Variants in REV3L observed in about 807,000 individuals in gnomAD.
REV3L encodes the protein DNA polymerase zeta catalytic subunit.
A neutral mutation model predicts 299.4 loss-of-function variants in REV3L; 69 were observed. The ratio of observed to expected loss-of-function variants is 0.23; its 90% CI spans 0.19 to 0.28. The LOEUF (loss-of-function observed/expected upper bound fraction) is 0.28, where lower values mean the gene tolerates loss of function less well. Among genes scored for constraint, REV3L ranks in the 10% least tolerant of loss-of-function variants. REV3L has a pLI of 1.00. For synonymous variants in REV3L, 1,238 were observed against 1,271.4 expected, an observed-to-expected ratio of 0.97 and a Z score of 0.56; for missense variants, 3,128 against 3,693.8, an observed-to-expected ratio of 0.85 and a Z score of 3.97.
intron 1 of REV3L, among the ~76,000 whole-genome samples, chr6:111,474,791 C>T (rs1053940964): frequency 1.3e-5 from 2 of 152,140 alleles, no homozygotes; most frequent in African/African-American, 4.8e-5. Flanking sequence ...GTAAGCAAAA[C>T]ATAACTTAAA....
At chr6:111,482,251 G>A (rs1206499792) in intron 1 of REV3L, among the ~76,000 whole-genome samples, 2 of 152,208 alleles carry the variant, frequency 1.3e-5, no homozygotes, top group African/African-American at 2.4e-5. Context: ...TGGCAGAGGA[G>A]AGCGAGGGTG....
rs950953713 is a variant in REV3L at position 111,482,965 on chromosome 6, AGCG to A, written c.-80_-78del. ...CAGCAGCGGCGGCGGCTCCCTCCGC[AGCG>A]GCGGCGGCGCCCCCTCCCCTTCTCG... is the stretch of plus-strand genomic sequence containing the variant. On this transcript the variant is annotated 5_prime_UTR_variant, in exon 1 of 32. Transcript: ENST00000368802. The A allele has an allele frequency of 6.4e-5, 91 of 1,418,952 alleles. No individual in the cohort carries two copies. Among genetic ancestry groups the A allele is most frequent in the Non-Finnish European group, 7.8e-5 (85 of 1,089,578 alleles). The allele number at this position is 1,418,952 out of a possible 1,614,324, so 87.9% of individuals were successfully genotyped here.
chr6:111,474,986 TATAC>T (rs1463301369), intron 1 of REV3L, among the ~76,000 whole-genome samples: 142 of 18,116 alleles, frequency 7.8e-3, no homozygotes, highest in African/African-American at 0.019. Flanking sequence ...GCTGCCTATA[TATAC>T]ACACACACAC....
In REV3L at chr6:111,453,834, A is replaced by AAG. The variant is rs773025834; in HGVS notation, c.139+28915_139+28916insCT. 2.0e-5 allele frequency among the ~76,000 whole-genome samples: 3 copies of AAG among 152,054 alleles called. No homozygotes were observed. The South Asian group carries it at 6.3e-4, about 32-fold the overall frequency. On this transcript the variant is annotated intron_variant, in intron 1 of 31. Coordinates refer to ENST00000368802, the MANE Select transcript of REV3L (RefSeq NM_001372078.1). Reference sequence around the variant, plus strand: ...CCCCATCTCTACTAAAAATACAAAAAAATTAGCTGGGCGTGGTGGCGCATG... The same window carrying AAG: ...CCCCATCTCTACTAAAAATACAAAAAAGAATTAGCTGGGCGTGGTGGCGCATG...
chr6:111,396,097 G>A (rs1782471462), intron 4 of REV3L, among the ~76,000 whole-genome samples: 2 of 152,186 alleles, frequency 1.3e-5, no homozygotes, highest in South Asian at 4.2e-4. Flanking sequence ...CATGATCTTG[G>A]CTTACTGTAA....
At chr6:111,416,879 G>C (rs1562278183) in intron 1 of REV3L, among the ~76,000 whole-genome samples, 1 of 152,110 alleles carries the variant, frequency 6.6e-6, no homozygotes. Context: ...TGGCATTAAT[G>C]TTTTCAAACA....
At chr6:111,477,938 C>T (rs536403649) in intron 1 of REV3L, among the ~76,000 whole-genome samples, 12 of 152,240 alleles carry the variant, frequency 7.9e-5, no homozygotes, top group African/African-American at 2.2e-4. Context: ...AAGAAGTAGA[C>T]GGATTCAAAA....
intron 4 of REV3L, among the ~76,000 whole-genome samples, chr6:111,401,898 C>G (rs1783120560): frequency 6.6e-6 from 1 of 151,916 alleles, no homozygotes; most frequent in South Asian, 2.1e-4. Context: ...ATCGCTTAAG[C>G]CTAGGAGTTC....
At chr6:111,474,201 C>T in intron 1 of REV3L, among the ~76,000 whole-genome samples, 1 of 152,128 alleles carries the variant, frequency 6.6e-6, no homozygotes, top group East Asian at 1.9e-4. Context: ...AAATTAAAAT[C>T]ATGCTTTATT....
At chr6:111,442,990 A>AT (rs36099961) in intron 1 of REV3L, among the ~76,000 whole-genome samples, 86,029 of 151,676 alleles carry the variant, frequency 0.57, 29,170 homozygotes, top group Non-Finnish European at 0.77. Flanking sequence ...GCTATGTTGT[A>AT]TTATAAGTTT....
rs959170525 is a variant in REV3L, at chr6:111,373,472, C to T, written c.4883G>A (p.Gly1628Asp). ...TTCAAGTGAGTAACAACTTTCAAAG[C>T]CTGGATCTGAAAAAAAGATGGGACT... Reference protein sequence around the residue: ...DDSPIFFSDPGFESCYSLEDS... With the variant: ...DDSPIFFSDPDFESCYSLEDS... The change falls in exon 13 of 32, where the codon GGC becomes GAC. Residue 1628 changes from glycine (G) to aspartate (D), a missense_variant. Around this residue, in one of 9 missense-constraint regions of REV3L, gnomAD observed 2,409 missense variants for 2,611.8 expected, o/e 0.92. Transcript: ENST00000368802. The T allele has an allele frequency of 6.2e-7, 1 of 1,612,988 alleles. No homozygotes were observed. The highest frequency in any genetic ancestry group is 8.5e-7 in the Non-Finnish European group (1 of 1,179,772).
chr6:111,344,130 C>T (rs1776799687), intron 20 of REV3L, 87 bp from the exon 21 acceptor site: 1 of 781,958 alleles, frequency 1.3e-6, no homozygotes, highest in Admixed American at 2.8e-5. Flanking sequence ...TCACTTTAAA[C>T]TTTTCATAGT....
At chr6:111,317,695 T>C (rs969506003) in intron 26 of REV3L, among the ~76,000 whole-genome samples, 1 of 152,138 alleles carries the variant, frequency 6.6e-6, no homozygotes, top group Non-Finnish European at 1.5e-5. Context: ...CTGGGTACAG[T>C]AGCTTTTGCC....
At position 111,365,320 on chromosome 6, in the gene REV3L, T is replaced by C; in HGVS notation, c.6698A>G (p.Asn2233Ser). The C allele has an allele frequency of 6.4e-7, 1 of 1,574,402 alleles. No individual in the cohort carries two copies. The highest frequency in any genetic ancestry group is 1.8e-5 in the Admixed American group (1 of 54,682). ...AGTGTCAGTATTACTTCCTTTCTTA[T>C]TACTCAACTTCTGTGTTTTTGGTTC... Reference protein sequence around the residue: ...STEPKTQKLSNKKGSNTDTLR... With the variant: ...STEPKTQKLSSKKGSNTDTLR... Residue 2233 changes from asparagine (N) to serine (S), a missense_variant, in exon 15 of 32, where the codon AAT (asparagine) becomes AGT (serine). This residue lies in a region of REV3L where 2,409 missense variants were observed against 2,611.8 expected (regional missense o/e 0.92). Coordinates refer to ENST00000368802, the MANE Select transcript of REV3L (RefSeq NM_001372078.1).
chr6:111,441,505 C>T (rs940485848), intron 1 of REV3L, among the ~76,000 whole-genome samples: 1 of 152,186 alleles, frequency 6.6e-6, no homozygotes, highest in Non-Finnish European at 1.5e-5. Flanking sequence ...TCCCACCTCG[C>T]TTCCCAAAGT....
intron 16 of REV3L, chr6:111,360,502 GTC>G (rs200612384): frequency 7.0e-6 from 1 of 142,764 alleles, no homozygotes; most frequent in Non-Finnish European, 1.5e-5. Flanking sequence ...TAGACACAGG[GTC>G]TCTCTCTGTT....
intron 27 of REV3L, among the ~76,000 whole-genome samples, chr6:111,314,085 G>T (rs560429829): frequency 6.6e-6 from 1 of 152,200 alleles, no homozygotes; most frequent in African/African-American, 2.4e-5. Context: ...TTTCCTTTTA[G>T]ATTACTGGCT....
chr6:111,304,434 C>T (rs1180282073), intron 31 of REV3L, among the ~76,000 whole-genome samples: 1 of 150,138 alleles, frequency 6.7e-6, no homozygotes, highest in Non-Finnish European at 1.5e-5. Flanking sequence ...GATGTAAAAT[C>T]TCCTGTTTGG....
At chr6:111,411,381 TA>T (rs1172586756) in intron 3 of REV3L, 98 bp downstream of exon 3, 7 of 758,846 alleles carry the variant, frequency 9.2e-6, no homozygotes, top group Non-Finnish European at 1.5e-5. Context: ...CTGTCTTTAA[TA>T]AGACTACAAA....
Sources: allele counts gnomAD v4.1 joint callset (sites outside exome capture counted in the v4.1 genomes callset), GRCh38; gene constraint gnomAD v4.1.1; regional missense constraint gnomAD v4.1.1; transcripts MANE v1.5; gene names NCBI Gene and HGNC (gene_info 2026-07-23, HGNC 2026-07-21).